Variants in ZNF407 observed in about 807,000 individuals in gnomAD.
ZNF407 encodes zinc finger protein 407.
ZNF407 carries 17 observed loss-of-function variants against 131.2 expected under a neutral mutation model. The observed-to-expected ratio is 0.13, with a 90% CI of 0.09 to 0.19. The LOEUF is 0.19. ZNF407 is among the 10% of genes least tolerant of loss of function. ZNF407 has a pLI of 1.00. For synonymous variants in ZNF407, 1,156 were observed against 1,062.0 expected, an observed-to-expected ratio of 1.09 and a Z score of -1.72; for missense variants, 2,681 against 2,830.6, an observed-to-expected ratio of 0.95 and a Z score of 1.20.
At chr18:74,621,338 CAG>C (rs1299200415) in intron 1 of ZNF407, among the ~76,000 whole-genome samples, 6 of 152,152 alleles carry the variant, frequency 3.9e-5, no homozygotes, top group Non-Finnish European at 8.8e-5. Context: ...TATCATCTCT[CAG>C]TGTCTGTGGA....
At chr18:74,895,361 G>A (rs1466541211) in intron 7 of ZNF407, among the ~76,000 whole-genome samples, 2 of 151,838 alleles carry the variant, frequency 1.3e-5, no homozygotes, top group African/African-American at 2.4e-5. Context: ...ATTTTGTTGA[G>A]TATTTCTAAT....
chr18:74,677,796 G>A (rs1986453759), intron 3 of ZNF407, among the ~76,000 whole-genome samples: 1 of 151,984 alleles, frequency 6.6e-6, no homozygotes, highest in Non-Finnish European at 1.5e-5. Context: ...CTTGAGTTTT[G>A]TTGATTTTTT....
intron 3 of ZNF407, among the ~76,000 whole-genome samples, chr18:74,645,397 T>C (rs1006153149): frequency 6.6e-6 from 1 of 151,948 alleles, no homozygotes; most frequent in African/African-American, 2.4e-5. Context: ...GATTTAGGAG[T>C]TGCATTGTTT....
intron 3 of ZNF407, among the ~76,000 whole-genome samples, chr18:74,680,303 G>A (rs1966951984): frequency 6.6e-6 from 1 of 151,946 alleles, no homozygotes; most frequent in African/African-American, 2.4e-5. Context: ...CAGCTACTCT[G>A]GAGGCTGAGG....
chr18:74,802,942 T>A (rs1428757228), intron 4 of ZNF407, among the ~76,000 whole-genome samples: 1 of 152,188 alleles, frequency 6.6e-6, no homozygotes, highest in Non-Finnish European at 1.5e-5. Flanking sequence ...TTCTTTTTTT[T>A]TAACTTTGCC....
At chr18:74,906,922 AG>A (rs1364612272) in intron 7 of ZNF407, among the ~76,000 whole-genome samples, 3 of 152,182 alleles carry the variant, frequency 2.0e-5, no homozygotes, top group Non-Finnish European at 4.4e-5. Flanking sequence ...TAAGTGCCAT[AG>A]ATGTATATGT....
At chr18:74,989,921 CTTTTCA>C (rs1187975854) in intron 8 of ZNF407, among the ~76,000 whole-genome samples, 1 of 151,672 alleles carries the variant, frequency 6.6e-6, no homozygotes, top group Non-Finnish European at 1.5e-5. Flanking sequence ...TATTTATATA[CTTTTCA>C]TTTACCATCT....
chr18:74,743,762 C>T (rs1376369172), intron 3 of ZNF407, among the ~76,000 whole-genome samples: 2 of 152,068 alleles, frequency 1.3e-5, no homozygotes, highest in Admixed American at 1.3e-4. Flanking sequence ...TCTGTTGCTT[C>T]TAAAAGAATA....
intron 3 of ZNF407, among the ~76,000 whole-genome samples, chr18:74,755,260 G>C (rs1968902671): frequency 6.6e-6 from 1 of 151,766 alleles, no homozygotes; most frequent in Admixed American, 6.6e-5. Flanking sequence ...ACATGAGATG[G>C]GTCTCCTGAA....
At chr18:74,922,517 T>C (rs1039069546) in intron 8 of ZNF407, among the ~76,000 whole-genome samples, 1 of 152,230 alleles carries the variant, frequency 6.6e-6, no homozygotes, top group Non-Finnish European at 1.5e-5. Flanking sequence ...GTGATTTGGT[T>C]GAGATAATAT....
At position 74,631,001 on chromosome 18, in the gene ZNF407, C is replaced by G. The variant is rs1253353426; in HGVS notation, c.-19C>G. 1 of 1,584,786 alleles carries G rather than the reference C, an allele frequency of 6.3e-7. No individual in the cohort carries two copies. Among genetic ancestry groups the G allele is most frequent in the South Asian group, 1.2e-5 (1 of 86,206 alleles). ...GCCAGTGAGCCGCCTTAGATAGAAG[C>G]ATCGTCAGCACTTTATTAATGATGG... On this transcript the variant is annotated 5_prime_UTR_variant, in exon 2 of 9. Coordinates refer to ENST00000299687, the MANE Select transcript of ZNF407 (RefSeq NM_017757.3).
intron 3 of ZNF407, among the ~76,000 whole-genome samples, chr18:74,725,778 T>C (rs1968142723): frequency 6.6e-6 from 1 of 152,176 alleles, no homozygotes; most frequent in Admixed American, 6.5e-5. Flanking sequence ...GAGCAGGTGA[T>C]GTTATGTATC....
At chr18:74,727,225 G>A (rs148234098) in intron 3 of ZNF407, among the ~76,000 whole-genome samples, 1 of 152,256 alleles carries the variant, frequency 6.6e-6, no homozygotes, top group East Asian at 1.9e-4. Flanking sequence ...TGTGTGAACC[G>A]AGGTCAAGTT....
At chr18:74,927,448 A>G (rs766821282) in intron 8 of ZNF407, among the ~76,000 whole-genome samples, 1 of 152,216 alleles carries the variant, frequency 6.6e-6, no homozygotes, top group Non-Finnish European at 1.5e-5. Context: ...CACCATGGTA[A>G]ATGTTTTCAC....
chr18:74,626,335 C>T (rs1003459650), intron 1 of ZNF407, among the ~76,000 whole-genome samples: 2 of 152,192 alleles, frequency 1.3e-5, no homozygotes, highest in Non-Finnish European at 2.9e-5. Flanking sequence ...TCCATCTGCC[C>T]TATAACGCAG....
At chr18:74,713,743 C>T (rs1967825726) in intron 3 of ZNF407, among the ~76,000 whole-genome samples, 1 of 152,018 alleles carries the variant, frequency 6.6e-6, no homozygotes, top group African/African-American at 2.4e-5. Context: ...AGCCTATATT[C>T]CTTACTGTTT....
chr18:74,932,977 G>A (rs150227196), intron 8 of ZNF407, among the ~76,000 whole-genome samples: 5 of 152,236 alleles, frequency 3.3e-5, no homozygotes, highest in African/African-American at 7.2e-5. Flanking sequence ...CTGTGGAAGC[G>A]GAATGGCAGC....
chr18:74,775,283 A>G (rs891347584), intron 3 of ZNF407, among the ~76,000 whole-genome samples: 10 of 152,192 alleles, frequency 6.6e-5, no homozygotes, highest in African/African-American at 2.4e-4. Context: ...CTTCACACCC[A>G]TCTTTTGCTG....
At chr18:74,865,781 A>G (rs1971002294) in intron 4 of ZNF407, among the ~76,000 whole-genome samples, 2 of 152,362 alleles carry the variant, frequency 1.3e-5, no homozygotes, top group Non-Finnish European at 2.9e-5. Flanking sequence ...AATTTTAAAA[A>G]TAAATTTCTT....
Sources: allele counts gnomAD v4.1 joint callset (sites outside exome capture counted in the v4.1 genomes callset), GRCh38; gene constraint gnomAD v4.1.1; transcripts MANE v1.5; gene names NCBI Gene and HGNC (gene_info 2026-07-23, HGNC 2026-07-21).